CIB1: variants seen among roughly 807,000 people sequenced by gnomAD.
The protein encoded by CIB1 is calcium and integrin-binding protein 1.
In CIB1, 19 loss-of-function variants were observed where a neutral mutation model predicts 25.0. The observed-to-expected ratio is 0.76, with a 90% CI of 0.53 to 1.12. CIB1 has a LOEUF of 1.12. Ranked by LOEUF, CIB1 falls within the 50% of genes most tolerant of loss-of-function variation. The pLI is 0.00. For missense variants in CIB1, 236 were observed against 242.6 expected (o/e 0.97, Z 0.18); for synonymous variants, 104 against 98.5 (o/e 1.06, Z -0.33).
chr15:90,250,861 G>A, the CIB1 span: 1 of 1,614,100 alleles, frequency 6.2e-7, no homozygotes, highest in East Asian at 2.2e-5. Context: ...TAGAAGCTGG[G>A]AGGAGGAAGA....
At chr15:90,236,857 A>G (rs1245997064), upstream of CIB1, among the ~76,000 whole-genome samples, 1 of 152,060 alleles carries the variant, frequency 6.6e-6, no homozygotes, top group Non-Finnish European at 1.5e-5. Context: ...AGTCTGAATC[A>G]TTTGGTAGTC....
the CIB1 span, chr15:90,265,567 G>T: frequency 7.2e-7 from 1 of 1,386,260 alleles, no homozygotes; most frequent in Non-Finnish European, 9.7e-7. Flanking sequence ...ACTGAGCAGC[G>T]TGAGCCCAGA....
Position 90,232,289 on chromosome 15 carries a change from T to G in CIB1, c.125A>C (p.Gln42Pro). ...RRFCELLPQE[Q>P]RSVESSLRAQ... ...CCGAAGTGACGACTCCACGCTCCGC[T>G]GCTCCTGGGGAAGCAGCTCACAAAA... The change falls in exon 3 of 7, where the codon CAG becomes CCG. Residue 42 changes from glutamine (Q) to proline (P), a missense_variant. Gln to Pro is a moderately conservative substitution (Grantham distance 76). Coordinates refer to ENST00000328649, the MANE Select transcript of CIB1 (RefSeq NM_006384.4). The G allele has an allele frequency of 1.2e-6, 2 of 1,612,122 alleles. No individual in the cohort carries two copies. Among genetic ancestry groups the G allele is most frequent in the Non-Finnish European group, 1.7e-6 (2 of 1,178,542 alleles).
At chr15:90,236,721 A>G (rs527763817), upstream of CIB1, among the ~76,000 whole-genome samples, 87 of 151,668 alleles carry the variant, frequency 5.7e-4, no homozygotes, top group African/African-American at 2.0e-3. Context: ...TTTTTTTAGT[A>G]GAGACGGGGT....
chr15:90,247,272 CT>C, the CIB1 span, among the ~76,000 whole-genome samples: 4 of 147,406 alleles, frequency 2.7e-5, no homozygotes, highest in Admixed American at 1.3e-4. Context: ...CCACACTGGC[CT>C]TTTTTTTCTT....
the CIB1 span, among the ~76,000 whole-genome samples, chr15:90,239,718 AT>A: frequency 2.6e-5 from 4 of 152,248 alleles, no homozygotes; most frequent in African/African-American, 9.6e-5. Context: ...CTATCTATCT[AT>A]TTTTTTGAGA....
the CIB1 span, chr15:90,258,821 AC>A: frequency 6.2e-7 from 1 of 1,614,122 alleles, no homozygotes. Context: ...TGATGCTATG[AC>A]CCTTGTCAAC....
chr15:90,251,413 C>G, the CIB1 span: 1 of 855,464 alleles, frequency 1.2e-6, no homozygotes, highest in East Asian at 2.6e-5. Flanking sequence ...CATGAGCCAC[C>G]GCGCCCAGCC....
At chr15:90,252,992 G>A in the CIB1 span, among the ~76,000 whole-genome samples, 14 of 152,202 alleles carry the variant, frequency 9.2e-5, no homozygotes, top group East Asian at 2.5e-3. Context: ...GCGAAACTCC[G>A]TCTCTAAAAA....
At chr15:90,236,683 A>C (rs1216799017), upstream of CIB1, among the ~76,000 whole-genome samples, 1 of 151,348 alleles carries the variant, frequency 6.6e-6, no homozygotes. Flanking sequence ...ACAGGAGTGC[A>C]CCACCACGCC....
At chr15:90,263,035 A>C in the CIB1 span, 1 of 1,536,134 alleles carries the variant, frequency 6.5e-7, no homozygotes, top group Non-Finnish European at 8.7e-7. Context: ...GGAGCGGATG[A>C]AGGCCCTGCT....
At chr15:90,235,627 G>A (rs943789252), upstream of CIB1, among the ~76,000 whole-genome samples, 13 of 151,992 alleles carry the variant, frequency 8.6e-5, no homozygotes, top group African/African-American at 3.1e-4. Context: ...GAGTGCAGTG[G>A]CATGATCTTG....
chr15:90,259,013 C>T, the CIB1 span: 3 of 1,602,774 alleles, frequency 1.9e-6, no homozygotes, highest in African/African-American at 1.3e-5. Context: ...TGGCCTGGGG[C>T]TGATTTGCTA....
upstream of CIB1, among the ~76,000 whole-genome samples, chr15:90,235,206 A>C (rs1183655865): frequency 6.6e-6 from 1 of 152,182 alleles, no homozygotes; most frequent in Non-Finnish European, 1.5e-5. Context: ...AAGAATACCC[A>C]GTGCTCTCCT....
chr15:90,250,566 T>C, the CIB1 span: 31 of 1,547,890 alleles, frequency 2.0e-5, no homozygotes, highest in Admixed American at 4.0e-5. Flanking sequence ...TTCTAGGGCC[T>C]GAGGGAGGTC....
the CIB1 span, chr15:90,265,357 T>A: frequency 8.1e-7 from 1 of 1,228,916 alleles, no homozygotes; most frequent in Non-Finnish European, 1.0e-6. Context: ...GTCAGAAGAC[T>A]GCCGAGCGGA....
the CIB1 span, chr15:90,251,537 C>T: frequency 1.2e-6 from 2 of 1,612,990 alleles, no homozygotes; most frequent in East Asian, 2.2e-5. Context: ...CTGATTTATG[C>T]TATTCCTCCA....
rs1555425083 is a variant in CIB1, at chr15:90,230,980, G to A, written c.508C>T (p.Leu170Phe). The A allele has an allele frequency of 6.2e-7, 1 of 1,614,168 alleles. No individual in the cohort carries two copies. Among genetic ancestry groups the A allele is most frequent in the South Asian group, 1.1e-5 (1 of 91,092 alleles). Residue 170 changes from leucine (L) to phenylalanine (F), a missense_variant, in exon 6 of 7, where the codon CTC becomes TTC. Leu to Phe is a conservative substitution (Grantham distance 22). Transcript: ENST00000328649. ...SDIDRDGTINLSEFQHVISRS... is the reference protein window; with the variant it reads ...SDIDRDGTINFSEFQHVISRS... ...GAGATGACGTGCTGGAACTCAGAGA[G>A]GTTGATGGTTCCATCCCTGTCAATG...
At chr15:90,264,013 G>A in the CIB1 span, 1 of 1,536,040 alleles carries the variant, frequency 6.5e-7, no homozygotes. Context: ...AATGAAGAAG[G>A]CTGGGAGGTG....
Sources: gnomAD v4.1 joint callset for allele counts (sites outside exome capture counted in the v4.1 genomes callset) on GRCh38, gnomAD v4.1.1 for gene constraint, MANE v1.5 for transcripts, NCBI Gene and HGNC (gene_info 2026-07-23, HGNC 2026-07-21) for gene names.